MMP26: variants seen among roughly 807,000 people sequenced by gnomAD.
The protein encoded by MMP26 is matrix metalloproteinase-26.
Under a neutral mutation model 31.0 loss-of-function variants are expected in MMP26, and 33 were observed. That is an observed-to-expected ratio of 1.06 (90% confidence interval 0.81 to 1.42). MMP26 has a LOEUF of 1.42. MMP26 is among the 40% of genes most tolerant of loss of function. MMP26 has a pLI of 0.00. For synonymous variants in MMP26, 122 were observed against 114.9 expected (o/e 1.06, Z -0.40); for missense variants, 347 against 316.1 (o/e 1.10, Z -0.74).
At chr11:4,962,637 G>A (rs1015972549) in intron 2 of MMP26, among the ~76,000 whole-genome samples, 3 of 152,114 alleles carry the variant, frequency 2.0e-5, no homozygotes, top group Non-Finnish European at 2.9e-5. Flanking sequence ...ATCCAGGTAC[G>A]GGATTTTAAT....
At chr11:4,811,408 A>G (rs569114104) in intron 2 of MMP26, among the ~76,000 whole-genome samples, 2 of 152,086 alleles carry the variant, frequency 1.3e-5, no homozygotes, top group South Asian at 4.1e-4. Context: ...CTTTGTGTCC[A>G]TGTGTACACA....
chr11:4,732,844 C>T (rs1848191297), intron 1 of MMP26, among the ~76,000 whole-genome samples: 1 of 152,226 alleles, frequency 6.6e-6, no homozygotes, highest in Admixed American at 6.5e-5. Flanking sequence ...GGTTCCATCA[C>T]ATTTTGTATA....
intron 1 of MMP26, among the ~76,000 whole-genome samples, chr11:4,764,564 CA>C (rs1472128596): frequency 1.3e-5 from 2 of 152,092 alleles, no homozygotes; most frequent in African/African-American, 4.8e-5. Flanking sequence ...TTCTGAGCTA[CA>C]AAAAATCTGT....
chr11:4,723,361 C>T (rs563476581), intron 1 of MMP26: 5 of 969,270 alleles, frequency 5.2e-6, no homozygotes, highest in East Asian at 2.4e-5. Context: ...AGCCTCCGCC[C>T]GGCTGCGGTT....
At chr11:4,989,953 T>G in intron 4 of MMP26, 85 bp downstream of exon 4, 5 of 1,064,456 alleles carry the variant, frequency 4.7e-6, no homozygotes, top group Non-Finnish European at 5.5e-6. Flanking sequence ...GAGGTACCTC[T>G]ACTCTCTTCT....
intron 2 of MMP26, among the ~76,000 whole-genome samples, chr11:4,813,795 A>G (rs1264892953): frequency 6.6e-6 from 1 of 152,024 alleles, no homozygotes; most frequent in Non-Finnish European, 1.5e-5. Context: ...CCACAATATA[A>G]AAGAAGATCA....
intron 2 of MMP26, among the ~76,000 whole-genome samples, chr11:4,916,854 C>A (rs745407369): frequency 6.6e-6 from 1 of 152,186 alleles, no homozygotes; most frequent in Non-Finnish European, 1.5e-5. Flanking sequence ...AAAGCACCAT[C>A]AACCATGGCC....
intron 2 of MMP26, among the ~76,000 whole-genome samples, chr11:4,924,873 T>C (rs1016613811): frequency 2.6e-5 from 4 of 152,196 alleles, no homozygotes; most frequent in Non-Finnish European, 5.9e-5. Context: ...GGGATTGATA[T>C]GACATCTAGG....
intron 2 of MMP26, among the ~76,000 whole-genome samples, chr11:4,979,389 G>A (rs1328982845): frequency 6.6e-6 from 1 of 152,140 alleles, no homozygotes; most frequent in Non-Finnish European, 1.5e-5. Flanking sequence ...ACAGTCACTT[G>A]TTTGAGTAAC....
At chr11:4,758,484 A>C (rs982440145) in intron 1 of MMP26, among the ~76,000 whole-genome samples, 2 of 150,990 alleles carry the variant, frequency 1.3e-5, no homozygotes, top group Admixed American at 6.6e-5. Flanking sequence ...AAAAAAAAAA[A>C]AAACTAAAAT....
chr11:4,923,753 A>G, intron 2 of MMP26: 2 of 1,614,128 alleles, frequency 1.2e-6, no homozygotes, highest in Non-Finnish European at 1.7e-6. Flanking sequence ...GATGTGATTG[A>G]CAATGATGCT....
intron 2 of MMP26, among the ~76,000 whole-genome samples, chr11:4,890,882 T>G (rs76308126): frequency 6.6e-6 from 1 of 151,528 alleles, no homozygotes; most frequent in African/African-American, 2.4e-5. Flanking sequence ...CAAATTCCTC[T>G]TGTGTTATTA....
At chr11:4,851,458 C>A (rs1345524881) in intron 2 of MMP26, among the ~76,000 whole-genome samples, 1 of 152,060 alleles carries the variant, frequency 6.6e-6, no homozygotes, top group African/African-American at 2.4e-5. Flanking sequence ...CAGATGGTAA[C>A]TGGAATCTAT....
intron 2 of MMP26, among the ~76,000 whole-genome samples, chr11:4,842,727 C>T (rs1849813686): frequency 6.6e-6 from 1 of 152,188 alleles, no homozygotes; most frequent in South Asian, 2.1e-4. Flanking sequence ...CATTTCAAAA[C>T]ACAATCCTGC....
At chr11:4,775,605 C>T (rs912347764) in intron 2 of MMP26, among the ~76,000 whole-genome samples, 1 of 152,112 alleles carries the variant, frequency 6.6e-6, no homozygotes, top group Non-Finnish European at 1.5e-5. Context: ...TTATTTGGCT[C>T]ATGGTTCTGC....
At chr11:4,763,389 G>T (rs1022229874) in intron 1 of MMP26, among the ~76,000 whole-genome samples, 1 of 152,186 alleles carries the variant, frequency 6.6e-6, no homozygotes, top group Non-Finnish European at 1.5e-5. Context: ...AGAAGTCTGA[G>T]GAAGGCATAG....
chr11:4,762,151 T>A (rs1262786765), intron 1 of MMP26, among the ~76,000 whole-genome samples: 1 of 152,222 alleles, frequency 6.6e-6, no homozygotes, highest in East Asian at 1.9e-4. Context: ...AATACCATGC[T>A]TGACACAAAA....
intron 1 of MMP26, chr11:4,719,700 G>A (rs1363810181): frequency 6.6e-6 from 1 of 152,200 alleles, no homozygotes; most frequent in African/African-American, 2.4e-5. Flanking sequence ...AGAAGACTGT[G>A]AACTCAGAGA....
intron 2 of MMP26, chr11:4,882,344 G>A (rs372900664): frequency 6.2e-6 from 10 of 1,613,772 alleles, no homozygotes; most frequent in Non-Finnish European, 8.5e-6. Context: ...GATAGGGCTG[G>A]TCATCTGCAT....
Sources: gnomAD v4.1 joint callset for allele counts (sites outside exome capture counted in the v4.1 genomes callset) on GRCh38, gnomAD v4.1.1 for gene constraint, MANE v1.5 for transcripts, NCBI Gene and HGNC (gene_info 2026-07-23, HGNC 2026-07-21) for gene names.